Variants in ITGAV observed in about 807,000 individuals in gnomAD.
ITGAV encodes integrin subunit alpha V.
Under a neutral mutation model 143.8 loss-of-function variants are expected in ITGAV, and 76 were observed. The observed-to-expected ratio is 0.53, with a 90% CI of 0.44 to 0.64. The LOEUF is 0.64. Among genes scored for constraint, ITGAV ranks in the 30% least tolerant of loss-of-function variants. ITGAV has a pLI of 0.00. For missense variants in ITGAV, 1,193 were observed against 1,274.7 expected, an observed-to-expected ratio of 0.94 and a Z score of 0.98; for synonymous variants, 453 against 446.7, an observed-to-expected ratio of 1.01 and a Z score of -0.18.
chr2:186,679,918 C>T lies in ITGAV; in HGVS notation c.*2626C>T, dbSNP rs1345642656. 6.6e-6 allele frequency: 1 copy of T among 151,976 alleles called. No homozygotes were observed. The highest frequency in any genetic ancestry group is 1.9e-4 in the East Asian group (1 of 5,196). 9.4% of individuals were successfully genotyped at this position (151,976 alleles called of 1,614,324 possible). Reference sequence around the variant, plus strand: ...TTAATTCTCATTAACACTTACATTTCCATAAAGAAAACTCAAGTATTAATA... The same window carrying T: ...TTAATTCTCATTAACACTTACATTTTCATAAAGAAAACTCAAGTATTAATA... On this transcript the variant is annotated 3_prime_UTR_variant, in exon 30 of 30. Transcript: ENST00000261023.
chr2:186,620,565 C>G (rs947556815), intron 2 of ITGAV, among the ~76,000 whole-genome samples: 1 of 152,086 alleles, frequency 6.6e-6, no homozygotes, highest in African/African-American at 2.4e-5. Flanking sequence ...GAGGTCAAGA[C>G]TAGCCTGGAC....
Position 186,659,316 on chromosome 2 carries a change from AT to A in ITGAV, c.1857+150del, listed in dbSNP as rs570355135. 1,524 of 611,720 alleles carry A rather than the reference AT, an allele frequency of 2.5e-3. 22 individuals carry two copies. The African/African-American group carries it at 0.026, about 10-fold the overall frequency. The allele number at this position is 611,720 out of a possible 1,614,324, so 37.9% of individuals were successfully genotyped here. On this transcript the variant is annotated intron_variant, in intron 18 of 29. Transcript: ENST00000261023. ...AGAAGTTTAGGAATCTGAATTTTCT[AT>A]TTTTTTTTCTTTTTGGTTTTTATTT...
intron 1 of ITGAV, among the ~76,000 whole-genome samples, chr2:186,594,753 C>T (rs898991236): frequency 1.1e-4 from 17 of 152,312 alleles, no homozygotes; most frequent in African/African-American, 3.8e-4. Context: ...ACCATTTCTA[C>T]TCTTACCATT....
At chr2:186,617,958 A>C (rs990306755) in intron 2 of ITGAV, among the ~76,000 whole-genome samples, 2 of 152,130 alleles carry the variant, frequency 1.3e-5, no homozygotes, top group Non-Finnish European at 2.9e-5. Flanking sequence ...CTATCTGAGG[A>C]GGTCCAACAT....
rs61762244 is a variant in ITGAV, at chr2:186,651,262, T to A, written c.1398-720T>A. On this transcript the variant is annotated intron_variant, in intron 14 of 29. Coordinates refer to ENST00000261023, the MANE Select transcript of ITGAV (RefSeq NM_002210.5). ...TGTAGCTATACAATACTTAACAGAT[T>A]TCAGATCTTTATCATTTTGAGACAG... Among the ~76,000 whole-genome samples, 1,490 of 152,336 alleles carry A rather than the reference T, an allele frequency of 9.8e-3. 22 individuals are homozygous for A. The highest frequency in any genetic ancestry group is 0.034 in the African/African-American group (1,417 of 41,580).
At chr2:186,644,296 T>C (rs1223461540) in intron 12 of ITGAV, among the ~76,000 whole-genome samples, 3 of 151,860 alleles carry the variant, frequency 2.0e-5, no homozygotes, top group Non-Finnish European at 4.4e-5. Flanking sequence ...GTTATGCTTA[T>C]CTTTGGTTTT....
At chr2:186,633,509 A>C (rs1287782688) in intron 6 of ITGAV, 135 bp downstream of exon 6, 2 of 343,086 alleles carry the variant, frequency 5.8e-6, no homozygotes, top group African/African-American at 4.2e-5. Flanking sequence ...TAAACACTCC[A>C]TTTTACACAG....
chr2:186,613,360 G>T (rs538408872), intron 2 of ITGAV, among the ~76,000 whole-genome samples: 1 of 152,032 alleles, frequency 6.6e-6, no homozygotes, highest in South Asian at 2.1e-4. Flanking sequence ...TTCTTTATTC[G>T]CTGTGGTAGT....
In ITGAV at chr2:186,592,549, A is replaced by C. The variant is rs997798411; in HGVS notation, c.185+2026A>C. Among the ~76,000 whole-genome samples the C allele has an allele frequency of 7.9e-5, 12 of 151,076 alleles. No individual in the cohort carries two copies. In the South Asian group the frequency reaches 1.9e-3, roughly 24 times the overall value. On this transcript the variant is annotated intron_variant, in intron 1 of 29. Coordinates refer to ENST00000261023, the MANE Select transcript of ITGAV (RefSeq NM_002210.5). ...AGTGCTCTGAGTTTAGTGTAAGATA[A>C]ATGAGAGGCTGATAAACTTTAAGTG...
intron 1 of ITGAV, among the ~76,000 whole-genome samples, chr2:186,597,616 T>G (rs1686780670): frequency 6.6e-6 from 1 of 152,142 alleles, no homozygotes. Context: ...AAATATATTG[T>G]AAGACAGGGG....
intron 2 of ITGAV, among the ~76,000 whole-genome samples, chr2:186,602,434 G>A (rs916164833): frequency 2.0e-5 from 3 of 152,170 alleles, no homozygotes; most frequent in African/African-American, 7.2e-5. Context: ...CTGTTAGGAT[G>A]TTTTTGTACC....
At chr2:186,626,068 G>A (rs749958619) in intron 4 of ITGAV, among the ~76,000 whole-genome samples, 5 of 152,110 alleles carry the variant, frequency 3.3e-5, no homozygotes, top group Non-Finnish European at 5.9e-5. Flanking sequence ...AGAATATTAT[G>A]TCTTAAAGAG....
intron 2 of ITGAV, among the ~76,000 whole-genome samples, chr2:186,608,831 T>A (rs753942577): frequency 6.6e-6 from 1 of 152,136 alleles, no homozygotes. Context: ...AAGAATTTAT[T>A]GGAAGGATGT....
At chr2:186,612,754 A>G (rs13416778) in intron 2 of ITGAV, among the ~76,000 whole-genome samples, 3,647 of 152,158 alleles carry the variant, frequency 0.024, 153 homozygotes, top group African/African-American at 0.084. Context: ...ACTTCCTCCT[A>G]TTGATGAATT....
chr2:186,666,326 A>G (rs973844910), intron 21 of ITGAV, among the ~76,000 whole-genome samples: 2 of 152,006 alleles, frequency 1.3e-5, no homozygotes, highest in African/African-American at 2.4e-5. Context: ...TAAACCATCC[A>G]TTTCTTCTTT....
chr2:186,678,609 A>G lies in ITGAV; in HGVS notation c.*1317A>G. ...AATTACTTTTCTAGGATTATTAATAAAAGCCACATAGGTGGCAAGTTGTAG... is the reference window on the plus strand; with the variant it reads ...AATTACTTTTCTAGGATTATTAATAGAAGCCACATAGGTGGCAAGTTGTAG... On this transcript the variant is annotated 3_prime_UTR_variant, in exon 30 of 30. Coordinates refer to ENST00000261023, the MANE Select transcript of ITGAV (RefSeq NM_002210.5). The G allele has an allele frequency of 2.9e-6, 1 of 348,870 alleles. No homozygotes were observed. The highest frequency in any genetic ancestry group is 2.4e-5 in the South Asian group (1 of 41,910). The allele number at this position is 348,870 out of a possible 1,614,324, so 21.6% of individuals were successfully genotyped here.
At chr2:186,606,072 G>A (rs1247246667) in intron 2 of ITGAV, among the ~76,000 whole-genome samples, 2 of 152,066 alleles carry the variant, frequency 1.3e-5, no homozygotes, top group African/African-American at 2.4e-5. Context: ...TCAAGAAAAT[G>A]TATATCTAAA....
intron 12 of ITGAV, among the ~76,000 whole-genome samples, chr2:186,645,750 G>A (rs1360366958): frequency 2.0e-5 from 3 of 152,032 alleles, no homozygotes; most frequent in African/African-American, 2.4e-5. Flanking sequence ...TGTGGATCAC[G>A]AGGTCAGGAG....
chr2:186,668,211 TATA>T (rs1688963448), intron 24 of ITGAV, among the ~76,000 whole-genome samples: 14 of 26,350 alleles, frequency 5.3e-4, no homozygotes, highest in African/African-American at 9.9e-4. Flanking sequence ...TATATATATA[TATA>T]TATTTTTTTT....
Sources: allele counts gnomAD v4.1 joint callset (sites outside exome capture counted in the v4.1 genomes callset), GRCh38; gene constraint gnomAD v4.1.1; transcripts MANE v1.5; gene names NCBI Gene and HGNC (gene_info 2026-07-23, HGNC 2026-07-21).